Variants in ZNF608 observed in about 807,000 individuals in gnomAD.
The protein encoded by ZNF608 is renal carcinoma antigen NY-REN-36.
In ZNF608, 12 loss-of-function variants were observed where a neutral mutation model predicts 109.0. The observed-to-expected ratio is 0.11, with a 90% CI of 0.07 to 0.18. The LOEUF is 0.18. Among genes scored for constraint, ZNF608 ranks in the 10% least tolerant of loss-of-function variants. The pLI, the probability that ZNF608 is intolerant of heterozygous loss-of-function variation, is 1.00. For missense variants in ZNF608, 1,707 were observed against 1,879.3 expected (o/e 0.91, Z 1.70); for synonymous variants, 732 against 717.4 (o/e 1.02, Z -0.33).
At chr5:124,673,950 A>T (rs1215161530) in intron 3 of ZNF608, among the ~76,000 whole-genome samples, 1 of 152,178 alleles carries the variant, frequency 6.6e-6, no homozygotes, top group African/African-American at 2.4e-5. Context: ...TTAATTATTC[A>T]AAAGATAGTA....
At chr5:124,723,881 G>A (rs976033445) in intron 2 of ZNF608, among the ~76,000 whole-genome samples, 3 of 151,664 alleles carry the variant, frequency 2.0e-5, no homozygotes, top group African/African-American at 4.9e-5. Context: ...AATAAGAAAT[G>A]GCCAACAACT....
At chr5:124,641,187 G>A in intron 8 of ZNF608, 65 bp downstream of exon 8, 1 of 1,599,020 alleles carries the variant, frequency 6.3e-7, no homozygotes, top group Non-Finnish European at 8.6e-7. Flanking sequence ...GATGTGAAAT[G>A]CAATTTTAGC....
At chr5:124,733,067 T>A (rs746750112) in intron 2 of ZNF608, among the ~76,000 whole-genome samples, 2 of 151,862 alleles carry the variant, frequency 1.3e-5, no homozygotes, top group Admixed American at 1.3e-4. Flanking sequence ...CTGAGCATGA[T>A]CACAAAACAT....
At chr5:124,679,089 A>T (rs1752082870) in intron 3 of ZNF608, among the ~76,000 whole-genome samples, 1 of 152,232 alleles carries the variant, frequency 6.6e-6, no homozygotes, top group South Asian at 2.1e-4. Context: ...CAAGCTGGCC[A>T]TCTGAAAGGA....
chr5:124,667,271 A>G (rs1244716877), intron 3 of ZNF608, among the ~76,000 whole-genome samples: 1 of 152,172 alleles, frequency 6.6e-6, no homozygotes, highest in African/African-American at 2.4e-5. Flanking sequence ...GGCAAGAAAT[A>G]TCTTTTACAA....
chr5:124,724,496 C>A (rs1191733460), intron 2 of ZNF608, among the ~76,000 whole-genome samples: 961 of 99,474 alleles, frequency 9.7e-3, no homozygotes, highest in Middle Eastern at 0.012. Flanking sequence ...GCAAAGAGTG[C>A]AAAAAAAAAA....
chr5:124,685,964 T>C (rs1055179570), intron 3 of ZNF608, among the ~76,000 whole-genome samples: 9 of 152,228 alleles, frequency 5.9e-5, no homozygotes, highest in African/African-American at 2.2e-4. Flanking sequence ...TGTGCTTTGT[T>C]GAAATTCCAT....
chr5:124,716,037 G>C (rs913145507), intron 2 of ZNF608, among the ~76,000 whole-genome samples: 10 of 151,664 alleles, frequency 6.6e-5, no homozygotes, highest in Non-Finnish European at 1.3e-4. Context: ...CAGCTACTGG[G>C]GAGGCTGAGG....
At chr5:124,639,028 A>T in intron 9 of ZNF608, 105 bp downstream of exon 9, 1 of 1,109,608 alleles carries the variant, frequency 9.0e-7, no homozygotes, top group Non-Finnish European at 1.3e-6. Flanking sequence ...CAATGATATA[A>T]AACCCAAGGA....
At chr5:124,732,421 T>G (rs951478776) in intron 2 of ZNF608, among the ~76,000 whole-genome samples, 39 of 151,992 alleles carry the variant, frequency 2.6e-4, no homozygotes, top group Non-Finnish European at 5.9e-5. Flanking sequence ...AAAATAATGC[T>G]AGGTCTTTCC....
At chr5:124,705,807 T>G (rs144722828) in intron 2 of ZNF608, among the ~76,000 whole-genome samples, 280 of 152,212 alleles carry the variant, frequency 1.8e-3, no homozygotes, top group Non-Finnish European at 3.1e-3. Context: ...CCCTGATGAG[T>G]CCCGTACTAC....
chr5:124,746,891 G>C, upstream of ZNF608: 1 of 393,676 alleles, frequency 2.5e-6, no homozygotes, highest in Non-Finnish European at 3.3e-6. Flanking sequence ...GGAGGAGACA[G>C]CAGATGATTC....
rs188501092 is a variant in ZNF608, at chr5:124,689,506, A to C, written c.1162+11508T>G. Reference sequence around the variant, plus strand: ...AGAGAGACAGAGAGAGAAAGAACTGAAGAACTAGTTTCCAAAATATTCAAA... The same window carrying C: ...AGAGAGACAGAGAGAGAAAGAACTGCAGAACTAGTTTCCAAAATATTCAAA... On this transcript the variant is annotated intron_variant, in intron 3 of 9. Transcript: ENST00000513986. 6.2e-4 allele frequency among the ~76,000 whole-genome samples: 94 copies of C among 152,088 alleles called. 1 individual carries two copies. The highest frequency in any genetic ancestry group is 2.2e-3 in the African/African-American group (93 of 41,518).
chr5:124,700,079 G>A (rs1474283500), intron 3 of ZNF608, among the ~76,000 whole-genome samples: 1 of 152,016 alleles, frequency 6.6e-6, no homozygotes, highest in African/African-American at 2.4e-5. Context: ...CTAACTTACA[G>A]AGAAAAAAAA....
At chr5:124,702,030 C>T (rs544548124) in intron 2 of ZNF608, among the ~76,000 whole-genome samples, 31 of 152,282 alleles carry the variant, frequency 2.0e-4, no homozygotes, top group African/African-American at 7.2e-4. Context: ...AAATGTAAAT[C>T]GCAGCCAACT....
chr5:124,669,199 G>T (rs1751610489), intron 3 of ZNF608, among the ~76,000 whole-genome samples: 1 of 152,126 alleles, frequency 6.6e-6, no homozygotes. Flanking sequence ...AGACAAGAAT[G>T]AACCTACTGA....
At chr5:124,741,266 T>C (rs888210179) in intron 2 of ZNF608, among the ~76,000 whole-genome samples, 1 of 152,104 alleles carries the variant, frequency 6.6e-6, no homozygotes, top group African/African-American at 2.4e-5. Flanking sequence ...CAATTTATCA[T>C]GTTTTACATG....
chr5:124,723,981 G>T (rs1456579556), intron 2 of ZNF608, among the ~76,000 whole-genome samples: 1 of 151,788 alleles, frequency 6.6e-6, no homozygotes, highest in African/African-American at 2.4e-5. Context: ...TAAAATAATA[G>T]ATTACTATCA....
At chr5:124,669,611 G>C (rs1009030558) in intron 3 of ZNF608, among the ~76,000 whole-genome samples, 1 of 151,920 alleles carries the variant, frequency 6.6e-6, no homozygotes, top group Admixed American at 6.6e-5. Flanking sequence ...CAGAACCTGG[G>C]TCCCTGGTTC....
Sources: gnomAD v4.1 joint callset for allele counts (sites outside exome capture counted in the v4.1 genomes callset) on GRCh38, gnomAD v4.1.1 for gene constraint, MANE v1.5 for transcripts, NCBI Gene and HGNC (gene_info 2026-07-23, HGNC 2026-07-21) for gene names.